SND1: variants seen among roughly 807,000 people sequenced by gnomAD.
SND1 encodes staphylococcal nuclease and tudor domain containing 1, also known as staphylococcal nuclease domain-containing protein 1.
SND1 carries 38 observed loss-of-function variants against 121.7 expected under a neutral mutation model. That is an observed-to-expected ratio of 0.31 (90% CI 0.24 to 0.41). The LOEUF is 0.41. SND1 is among the 10% of genes least tolerant of loss of function. The probability of loss-of-function intolerance (pLI) is 1.00; values close to 1 mark genes in which losing one functional copy is unlikely to be tolerated. For synonymous variants in SND1, 401 were observed against 447.4 expected (o/e 0.90, Z 1.31); for missense variants, 868 against 1,184.6 (o/e 0.73, Z 3.92).
intron 13 of SND1, among the ~76,000 whole-genome samples, chr7:127,896,249 C>CT (rs1480546334): frequency 1.3e-5 from 2 of 152,138 alleles, no homozygotes; most frequent in African/African-American, 2.4e-5. Context: ...CCGTCTCACT[C>CT]TCCTCTTGGC....
chr7:127,828,963 T>C (rs1798692162), intron 11 of SND1, among the ~76,000 whole-genome samples: 2 of 152,134 alleles, frequency 1.3e-5, no homozygotes, highest in South Asian at 4.1e-4. Context: ...CTCTTAGAGG[T>C]AGGGGCGGAA....
chr7:128,050,982 G>T (rs1045065996), intron 16 of SND1, among the ~76,000 whole-genome samples: 3 of 152,206 alleles, frequency 2.0e-5, no homozygotes, highest in African/African-American at 7.2e-5. Context: ...GGGCCCATGC[G>T]AGTGGCAGTA....
At chr7:127,668,532 C>T (rs1239333659) in intron 1 of SND1, among the ~76,000 whole-genome samples, 1 of 152,064 alleles carries the variant, frequency 6.6e-6, no homozygotes, top group South Asian at 2.1e-4. Context: ...CAGAACAAGA[C>T]CAGGAAAAAA....
At chr7:128,088,390 G>A (rs1272375238) in intron 21 of SND1, among the ~76,000 whole-genome samples, 1 of 148,366 alleles carries the variant, frequency 6.7e-6, no homozygotes, top group Non-Finnish European at 1.5e-5. Context: ...GAGCCCACAA[G>A]TTCAAGGTTG....
intron 2 of SND1, chr7:127,694,552 A>G (rs1337720497): frequency 2.6e-6 from 1 of 386,586 alleles, no homozygotes; most frequent in Non-Finnish European, 4.7e-6. Flanking sequence ...AGACAGTGAT[A>G]GGGAAAAAGT....
intron 10 of SND1, among the ~76,000 whole-genome samples, chr7:127,735,720 G>A (rs367857790): frequency 6.6e-6 from 1 of 152,028 alleles, no homozygotes; most frequent in Non-Finnish European, 1.5e-5. Flanking sequence ...TCCACCTCCC[G>A]GGTTCAAGTG....
intron 15 of SND1, among the ~76,000 whole-genome samples, chr7:127,984,347 G>T (rs898997399): frequency 6.6e-6 from 1 of 152,228 alleles, no homozygotes; most frequent in Non-Finnish European, 1.5e-5. Flanking sequence ...GGGTAAAAGG[G>T]TGTAGCTATG....
chr7:127,948,539 T>G (rs538345086), intron 15 of SND1, among the ~76,000 whole-genome samples: 1 of 152,250 alleles, frequency 6.6e-6, no homozygotes, highest in African/African-American at 2.4e-5. Context: ...ACACTCTAAT[T>G]GGATAACAGA....
At chr7:127,984,261 A>G (rs978517561) in intron 15 of SND1, among the ~76,000 whole-genome samples, 5 of 152,252 alleles carry the variant, frequency 3.3e-5, no homozygotes, top group African/African-American at 1.2e-4. Context: ...TCTCTCTGAC[A>G]TAGCTGGTCA....
intron 9 of SND1, among the ~76,000 whole-genome samples, chr7:127,715,302 A>G (rs996212015): frequency 6.6e-6 from 1 of 152,092 alleles, no homozygotes; most frequent in African/African-American, 2.4e-5. Flanking sequence ...AGAAATGTCT[A>G]TTCAAGTCCT....
chr7:128,046,811 A>G (rs1792957590), intron 16 of SND1, among the ~76,000 whole-genome samples: 1 of 152,220 alleles, frequency 6.6e-6, no homozygotes, highest in African/African-American at 2.4e-5. Context: ...TTTGAATATG[A>G]ATTAAGCAGC....
chr7:127,858,491 C>A, intron 12 of SND1: 1 of 560,608 alleles, frequency 1.8e-6, no homozygotes, highest in Non-Finnish European at 3.3e-6. Context: ...ATTTCTAGAG[C>A]TTTTACCTGC....
intron 11 of SND1, among the ~76,000 whole-genome samples, chr7:127,837,998 T>TAGG (rs1192616897): frequency 6.6e-6 from 1 of 152,210 alleles, no homozygotes; most frequent in African/African-American, 2.4e-5. Context: ...TGCTATGTTG[T>TAGG]TCCCCTGTTG....
At chr7:127,805,405 A>G (rs896585795) in intron 10 of SND1, among the ~76,000 whole-genome samples, 5 of 152,186 alleles carry the variant, frequency 3.3e-5, no homozygotes, top group Non-Finnish European at 7.3e-5. Flanking sequence ...TTAAGTTTCT[A>G]GAAGAGCACT....
At chr7:127,935,980 A>G (rs1291862798) in intron 15 of SND1, among the ~76,000 whole-genome samples, 1 of 152,104 alleles carries the variant, frequency 6.6e-6, no homozygotes, top group Non-Finnish European at 1.5e-5. Flanking sequence ...CCACAGCTTG[A>G]TAGGGAGTGG....
At chr7:127,786,675 G>T (rs1016497288) in intron 10 of SND1, among the ~76,000 whole-genome samples, 11 of 151,888 alleles carry the variant, frequency 7.2e-5, no homozygotes, top group Admixed American at 4.6e-4. Context: ...ACGGAGTTTC[G>T]CTCTGTCGCC....
At chr7:127,912,587 A>C (rs989647339) in intron 14 of SND1, among the ~76,000 whole-genome samples, 17 of 152,188 alleles carry the variant, frequency 1.1e-4, no homozygotes, top group Non-Finnish European at 2.1e-4. Flanking sequence ...TATTCCTAGT[A>C]ACTTATCTAT....
rs569959449 is a variant in SND1 at position 127,741,621 on chromosome 7, T to C, written c.1152+20221T>C. Among the ~76,000 whole-genome samples the C allele has an allele frequency of 4.6e-5, 7 of 152,250 alleles. No individual in the cohort carries two copies. In the South Asian group the frequency reaches 1.5e-3, roughly 32 times the overall value. ...TTCTCTACTAGCCCTTTCTCCTCCT[T>C]CCTCACTCTTTGCTAACATTGCCTT... On this transcript the variant is annotated intron_variant, in intron 10 of 23. Coordinates refer to ENST00000354725, the MANE Select transcript of SND1 (RefSeq NM_014390.4).
At chr7:127,810,809 G>T (rs1217594208) in intron 11 of SND1, among the ~76,000 whole-genome samples, 1 of 152,192 alleles carries the variant, frequency 6.6e-6, no homozygotes, top group African/African-American at 2.4e-5. Flanking sequence ...TTATCCATGT[G>T]ATACAGTTTT....
Sources: allele counts gnomAD v4.1 joint callset (sites outside exome capture counted in the v4.1 genomes callset), GRCh38; gene constraint gnomAD v4.1.1; transcripts MANE v1.5; gene names NCBI Gene and HGNC (gene_info 2026-07-23, HGNC 2026-07-21).